Variants in RNF150 observed in about 807,000 individuals in gnomAD.
RNF150 encodes the protein ring finger protein 150.
RNF150 carries 24 observed loss-of-function variants against 39.3 expected under a neutral mutation model. That is an observed-to-expected ratio of 0.61 (90% CI 0.44 to 0.86). The LOEUF (loss-of-function observed/expected upper bound fraction) is 0.86, where lower values mean the gene tolerates loss of function less well. RNF150 is among the 40% of genes least tolerant of loss of function. The pLI, the probability that RNF150 is intolerant of heterozygous loss-of-function variation, is 0.00. For missense variants in RNF150, 502 were observed against 587.8 expected (o/e 0.85, Z 1.51); for synonymous variants, 255 against 227.3 (o/e 1.12, Z -1.10).
intron 1 of RNF150, among the ~76,000 whole-genome samples, chr4:141,188,859 C>T (rs1358430804): frequency 6.6e-6 from 1 of 152,166 alleles, no homozygotes; most frequent in Non-Finnish European, 1.5e-5. Context: ...TATTACCCAC[C>T]TTCTTGAAGC....
intron 1 of RNF150, among the ~76,000 whole-genome samples, chr4:141,131,301 C>T (rs373686909): frequency 2.0e-5 from 3 of 152,282 alleles, no homozygotes; most frequent in Non-Finnish European, 2.9e-5. Context: ...TTTCTCCCCT[C>T]CTTCCGGGCA....
chr4:141,029,389 A>G (rs894313207), intron 1 of RNF150, among the ~76,000 whole-genome samples: 1 of 152,216 alleles, frequency 6.6e-6, no homozygotes, highest in African/African-American at 2.4e-5. Flanking sequence ...GGCATATGAG[A>G]CATAAAGTCC....
intron 1 of RNF150, among the ~76,000 whole-genome samples, chr4:141,128,762 C>T (rs528173105): frequency 6.6e-6 from 1 of 152,182 alleles, no homozygotes; most frequent in Non-Finnish European, 1.5e-5. Flanking sequence ...ATCACTCTCT[C>T]TTCCCTAGCA....
intron 1 of RNF150, among the ~76,000 whole-genome samples, chr4:141,198,748 G>C (rs1297487074): frequency 6.6e-6 from 1 of 152,184 alleles, no homozygotes; most frequent in East Asian, 1.9e-4. Flanking sequence ...TTGGGGCTAA[G>C]AGCATCTCAA....
chr4:140,922,788 C>A (rs1157476050), intron 5 of RNF150, among the ~76,000 whole-genome samples: 1 of 151,522 alleles, frequency 6.6e-6, no homozygotes, highest in Non-Finnish European at 1.5e-5. Flanking sequence ...ACCAATGGAA[C>A]AGAACAGAGC....
chr4:141,181,591 G>A (rs574007111), intron 1 of RNF150, among the ~76,000 whole-genome samples: 1 of 152,224 alleles, frequency 6.6e-6, no homozygotes, highest in Non-Finnish European at 1.5e-5. Context: ...CATTCCTACT[G>A]ACTTACTCAA....
rs1728421016 is a variant in RNF150, at chr4:140,860,026, G to A, written c.*8235C>T. On this transcript the variant is annotated 3_prime_UTR_variant, in exon 7 of 7. Coordinates refer to ENST00000515673, the MANE Select transcript of RNF150 (RefSeq NM_020724.2). ...AACTATCACCCTTGTTTCATCACTAGCCCATTATGAGACAAGTTGATTACG... is the reference window on the plus strand; with the variant it reads ...AACTATCACCCTTGTTTCATCACTAACCCATTATGAGACAAGTTGATTACG... The A allele has an allele frequency of 1.3e-5, 2 of 151,766 alleles. No individual in the cohort carries two copies. The highest frequency in any genetic ancestry group is 4.8e-5 in the African/African-American group (2 of 41,304). The allele number at this position is 151,766 out of a possible 1,614,324, so 9.4% of individuals were successfully genotyped here. A position where few individuals can be genotyped will look rare whatever the true frequency, so the allele number is the denominator to read the frequency against.
chr4:140,913,193 G>A (rs181414530), intron 5 of RNF150, among the ~76,000 whole-genome samples: 6 of 152,188 alleles, frequency 3.9e-5, no homozygotes, highest in East Asian at 1.9e-4. Flanking sequence ...CCTGGTAGGC[G>A]GAGGTTGCAG....
At chr4:141,095,109 G>A (rs1738722840) in intron 1 of RNF150, among the ~76,000 whole-genome samples, 1 of 152,206 alleles carries the variant, frequency 6.6e-6, no homozygotes, top group Non-Finnish European at 1.5e-5. Flanking sequence ...AAGAAGAAAA[G>A]ACATGTTCAA....
chr4:141,055,210 GA>G (rs896554637), intron 1 of RNF150, among the ~76,000 whole-genome samples: 10 of 151,990 alleles, frequency 6.6e-5, no homozygotes, highest in African/African-American at 2.4e-4. Flanking sequence ...GAAACCTTTA[GA>G]AAAAAACATA....
At position 141,027,903 on chromosome 4, in the gene RNF150, T is replaced by C. The variant is rs1034547776; in HGVS notation, c.485-60030A>G. ...AAAGATCATTAGATAGTTAATGAGC[T>C]TGGAATTTGTTTTTTTTTTTTTGTT... On this transcript the variant is annotated intron_variant, in intron 1 of 6. Coordinates refer to ENST00000515673, the MANE Select transcript of RNF150 (RefSeq NM_020724.2). Among the ~76,000 whole-genome samples, 9 of 145,106 alleles carry C rather than the reference T, an allele frequency of 6.2e-5. 1 individual carries two copies. The Admixed American group carries it at 6.4e-4, about 10-fold the overall frequency.
rs190135283 is a variant in RNF150, at chr4:141,028,227, C to A, written c.485-60354G>T. ...TCATGTGCAAAATGGTTGATGGGTT[C>A]ACATTTGGCATTCATTAAGAAGTAG... On this transcript the variant is annotated intron_variant, in intron 1 of 6. Transcript: ENST00000515673. Among the ~76,000 whole-genome samples the A allele has an allele frequency of 9.9e-5, 15 of 152,178 alleles. No individual in the cohort carries two copies. The East Asian group carries it at 2.9e-3, about 29-fold the overall frequency.
At chr4:141,011,992 C>T (rs1029242557) in intron 1 of RNF150, among the ~76,000 whole-genome samples, 2 of 152,364 alleles carry the variant, frequency 1.3e-5, no homozygotes, top group Middle Eastern at 3.4e-3. Flanking sequence ...TCCAAGACTT[C>T]ATATTCTAAG....
intron 1 of RNF150, among the ~76,000 whole-genome samples, chr4:141,000,059 GAAGAAGAAGAAGA>G (rs1734591848): frequency 3.1e-5 from 3 of 97,922 alleles, no homozygotes; most frequent in African/African-American, 1.1e-4. Context: ...AGAAGAAGAA[GAAGAAGAAGAAGA>G]AGAAGAAGAA....
In RNF150 at chr4:141,190,599, G is replaced by T. The variant is rs574427668; in HGVS notation, c.-6+22195C>A. Among the ~76,000 whole-genome samples the T allele has an allele frequency of 3.3e-5, 5 of 152,308 alleles. No homozygotes were observed. The East Asian group carries it at 9.6e-4, about 29-fold the overall frequency. ...GCATAGCATTAGAAACGCCTTGCTT[G>T]CAGGCCTGTGAGACTTTAAGCAGAC... On this transcript the variant is annotated intron_variant, in intron 1 of 7. Transcript: ENST00000420921.
At chr4:141,093,333 T>C (rs1364907846) in intron 1 of RNF150, among the ~76,000 whole-genome samples, 1 of 139,080 alleles carries the variant, frequency 7.2e-6, no homozygotes. Context: ...ACCACTGCAC[T>C]CCAGCTGGGG....
intron 1 of RNF150, among the ~76,000 whole-genome samples, chr4:140,973,772 G>A (rs1456011996): frequency 6.6e-6 from 1 of 151,280 alleles, no homozygotes; most frequent in Non-Finnish European, 1.5e-5. Flanking sequence ...AGCTACTTGG[G>A]AGGCTGAGGC....
intron 2 of RNF150, among the ~76,000 whole-genome samples, chr4:140,955,944 G>C (rs1254527695): frequency 6.6e-6 from 1 of 152,126 alleles, no homozygotes. Flanking sequence ...TTATTCTCAG[G>C]GAGAGAGAAA....
intron 4 of RNF150, among the ~76,000 whole-genome samples, chr4:140,926,719 C>T (rs1731411431): frequency 2.0e-5 from 3 of 152,176 alleles, no homozygotes; most frequent in Non-Finnish European, 4.4e-5. Flanking sequence ...ATCTTCGTGG[C>T]AGAAGGGGCA....
Sources: gnomAD v4.1 joint callset for allele counts (sites outside exome capture counted in the v4.1 genomes callset) on GRCh38, gnomAD v4.1.1 for gene constraint, MANE v1.5 for transcripts, NCBI Gene and HGNC (gene_info 2026-07-23, HGNC 2026-07-21) for gene names.